The following ZC3H4 variants were observed in gnomAD, a reference collection of about 807,000 sequenced individuals.
ZC3H4 encodes zinc finger CCCH-type containing 4.
A neutral mutation model predicts 108.3 loss-of-function variants in ZC3H4; 13 were observed. The observed-to-expected ratio is 0.12, with a 90% confidence interval of 0.08 to 0.19. The LOEUF (loss-of-function observed/expected upper bound fraction) is 0.19, where lower values mean the gene tolerates loss of function less well. ZC3H4 is among the 10% of genes least tolerant of loss of function. ZC3H4 has a pLI of 1.00. For missense variants in ZC3H4, 1,734 were observed against 1,838.8 expected, an observed-to-expected ratio of 0.94 and a Z score of 1.04; for synonymous variants, 917 against 749.6, an observed-to-expected ratio of 1.22 and a Z score of -3.65.
At chr19:47,112,944 G>A (rs2058059880) in intron 1 of ZC3H4, among the ~76,000 whole-genome samples, 1 of 152,160 alleles carries the variant, frequency 6.6e-6, no homozygotes. Context: ...AGCAAGCGAA[G>A]GGTAAGGGGA....
chr19:47,081,405 C>G, intron 11 of ZC3H4, 108 bp downstream of exon 11: 1 of 851,090 alleles, frequency 1.2e-6, no homozygotes. Context: ...TCCAGATCAA[C>G]CAAACTGGGC....
rs539808218 is a variant in ZC3H4, at chr19:47,067,404, T to C, written c.2864A>G (p.Gln955Arg). ...PGHPLRDPRSQLQQFSHIKKD... is the reference protein window; with the variant it reads ...PGHPLRDPRSRLQQFSHIKKD... ...CTTGATGTGGCTGAACTGCTGCAGC[T>C]GTGACCGTGGGTCCCGCAGAGGGTG... Residue 955 changes from glutamine to arginine, a missense_variant, in exon 15 of 15, where the codon CAG becomes CGG. Gln to Arg is a conservative substitution (Grantham distance 43, BLOSUM62 1). Transcript: ENST00000253048. This position sits in a 1 kb window ranked among gnomAD's most constrained non-coding sequence, Gnocchi z 6.4. 93 of 1,609,016 alleles carry C rather than the reference T, an allele frequency of 5.8e-5. No individual in the cohort carries two copies. In the East Asian group the frequency reaches 1.9e-3, roughly 32 times the overall value.
chr19:47,068,096 A>G (rs997563095), intron 14 of ZC3H4, among the ~76,000 whole-genome samples: 15 of 152,168 alleles, frequency 9.9e-5, no homozygotes, highest in African/African-American at 3.6e-4. Flanking sequence ...GCGGCACTGC[A>G]CTAAGTAGTT....
chr19:47,094,814 G>A (rs772702537), intron 2 of ZC3H4, among the ~76,000 whole-genome samples: 1 of 152,176 alleles, frequency 6.6e-6, no homozygotes, highest in South Asian at 2.1e-4. Flanking sequence ...TAACCTGGCT[G>A]GGGGAGGGGT....
rs555527046 is a variant in ZC3H4, at chr19:47,072,765, G to A, written c.1441-52C>T. ...GTGTGGACGGGGTCAGGATGGAAACGGACCTCTCCAGGTCTGAGAGCTGAA... is the reference window on the plus strand; with the variant it reads ...GTGTGGACGGGGTCAGGATGGAAACAGACCTCTCCAGGTCTGAGAGCTGAA... On this transcript the variant is annotated intron_variant, in intron 11 of 14. Transcript: ENST00000253048. The surrounding 1 kb of genome is among the most constrained non-coding windows in gnomAD (Gnocchi z 5.6). The A allele has an allele frequency of 3.0e-5, 48 of 1,601,962 alleles. No homozygotes were observed. In the South Asian group the frequency reaches 3.9e-4, roughly 13 times the overall value.
intron 2 of ZC3H4, among the ~76,000 whole-genome samples, chr19:47,104,644 G>C (rs2057946124): frequency 6.6e-6 from 1 of 152,192 alleles, no homozygotes; most frequent in Admixed American, 6.5e-5. Flanking sequence ...TTCCAAATAA[G>C]CTTGAAAGTG....
At chr19:47,097,688 T>C (rs967670820) in intron 2 of ZC3H4, among the ~76,000 whole-genome samples, 1 of 152,124 alleles carries the variant, frequency 6.6e-6, no homozygotes, top group Admixed American at 6.6e-5. Context: ...GCAAAATCCG[T>C]GTCAGAGTGG....
chr19:47,089,882 C>T (rs2057699973), intron 5 of ZC3H4, 85 bp downstream of exon 5: 1 of 1,438,602 alleles, frequency 7.0e-7, no homozygotes. Context: ...AGTGACCAAA[C>T]TTGAGGTTCT....
chr19:47,100,799 A>C (rs908915127), intron 2 of ZC3H4, among the ~76,000 whole-genome samples: 2 of 151,978 alleles, frequency 1.3e-5, no homozygotes, highest in African/African-American at 4.8e-5. Flanking sequence ...CCTGGGTTCA[A>C]GTGATTCTCA....
chr19:47,068,172 T>C (rs567242675), intron 14 of ZC3H4, among the ~76,000 whole-genome samples: 1 of 152,340 alleles, frequency 6.6e-6, no homozygotes, highest in Admixed American at 6.5e-5. Context: ...ATTTGACAGA[T>C]GTGAAAACAG....
chr19:47,109,669 A>G (rs2058012163), intron 2 of ZC3H4, among the ~76,000 whole-genome samples: 1 of 152,230 alleles, frequency 6.6e-6, no homozygotes. Context: ...AGTTGTGAAC[A>G]TATTAAGAGG....
chr19:47,082,443 A>G (rs2057541718), intron 9 of ZC3H4, 148 bp from the exon 10 acceptor site: 2 of 636,122 alleles, frequency 3.1e-6, no homozygotes, highest in Non-Finnish European at 5.7e-6. Flanking sequence ...AGACAGGTGT[A>G]GGAAGGGCAG....
Position 47,067,232 on chromosome 19 carries a change from C to T in ZC3H4, c.3036G>A (p.Leu1012=). Reference sequence around the variant, plus strand: ...GGGGCCCTGCCGTGGCAGCGCGGTGCAGCCGGGGGTCCAGGGTGGGCATGG... The same window carrying T: ...GGGGCCCTGCCGTGGCAGCGCGGTGTAGCCGGGGGTCCAGGGTGGGCATGG... The part of the protein sequence containing the change: ...LQSMPTLDPR[L]HRAATAGPPN... Residue 1012 remains leucine (L), a synonymous_variant, in exon 15 of 15, where the codon CTG becomes CTA. Transcript: ENST00000253048. This position sits in a 1 kb window ranked among gnomAD's most constrained non-coding sequence, Gnocchi z 6.4. 6.2e-7 allele frequency: 1 copy of T among 1,605,330 alleles called. No individual in the cohort carries two copies. Among genetic ancestry groups the T allele is most frequent in the Non-Finnish European group, 8.5e-7 (1 of 1,176,064 alleles).
chr19:47,079,132 C>T (rs1233323942), intron 11 of ZC3H4, among the ~76,000 whole-genome samples: 3 of 150,398 alleles, frequency 2.0e-5, no homozygotes, highest in East Asian at 4.0e-4. Context: ...CGGGTTCAAG[C>T]GATTCTCCTG....
intron 2 of ZC3H4, chr19:47,110,815 G>C (rs1365419933): frequency 5.6e-6 from 4 of 715,018 alleles, no homozygotes; most frequent in African/African-American, 1.9e-5. Context: ...AACTGGAGTC[G>C]GGCTGCGATG....
chr19:47,100,020 G>T (rs910491103), intron 2 of ZC3H4, among the ~76,000 whole-genome samples: 2 of 151,952 alleles, frequency 1.3e-5, no homozygotes, highest in Non-Finnish European at 2.9e-5. Context: ...ATTAACTAGG[G>T]ACAAAATCAC....
At chr19:47,094,161 C>T (rs1302405498) in intron 3 of ZC3H4, 81 bp from the exon 4 acceptor site, 13 of 1,398,396 alleles carry the variant, frequency 9.3e-6, no homozygotes, top group Non-Finnish European at 1.3e-5. Flanking sequence ...ACAAACTATG[C>T]TGGCATGTGC....
chr19:47,092,303 C>A (rs1221539852), intron 4 of ZC3H4, among the ~76,000 whole-genome samples: 1 of 152,212 alleles, frequency 6.6e-6, no homozygotes, highest in African/African-American at 2.4e-5. Context: ...CACAGACACA[C>A]ATACAAGTAC....
chr19:47,079,106 C>G (rs567354474), intron 11 of ZC3H4, among the ~76,000 whole-genome samples: 1 of 149,840 alleles, frequency 6.7e-6, no homozygotes, highest in Admixed American at 6.6e-5. Context: ...CTCAGCTCAC[C>G]GCAACCACCG....
Sources: gnomAD v4.1 joint callset for allele counts (sites outside exome capture counted in the v4.1 genomes callset) on GRCh38, gnomAD v4.1.1 for gene constraint, Gnocchi (gnomAD v3.1) non-coding constraint, MANE v1.5 for transcripts, NCBI Gene and HGNC (gene_info 2026-07-23, HGNC 2026-07-21) for gene names.